The following PPFIA2 variants were observed in gnomAD, a reference collection of about 807,000 sequenced individuals.
PPFIA2 encodes PPFI scaffold protein A2, also known as liprin-alpha-2.
PPFIA2 carries 46 observed loss-of-function variants against 175.5 expected under a neutral mutation model. That is an observed-to-expected ratio of 0.26 (90% CI 0.21 to 0.34). The LOEUF (loss-of-function observed/expected upper bound fraction) is 0.34, where lower values mean the gene tolerates loss of function less well. Ranked by LOEUF, PPFIA2 falls within the 10% of genes least tolerant of loss-of-function variation. PPFIA2 has a pLI of 1.00. For missense variants in PPFIA2, 1,179 were observed against 1,506.1 expected, an observed-to-expected ratio of 0.78 and a Z score of 3.60; for synonymous variants, 568 against 511.4, an observed-to-expected ratio of 1.11 and a Z score of -1.49.
chr12:81,367,712 C>T lies in PPFIA2; in HGVS notation c.1483-542G>A, dbSNP rs1032296478. Among the ~76,000 whole-genome samples, 9 of 151,688 alleles carry T rather than the reference C, an allele frequency of 5.9e-5. No homozygotes were observed. In the East Asian group the frequency reaches 1.7e-3, roughly 29 times the overall value. On this transcript the variant is annotated intron_variant, in intron 13 of 32. Coordinates refer to ENST00000549396, the MANE Select transcript of PPFIA2 (RefSeq NM_003625.5). ...TTCAGAAACCTAATATTACATGTCA[C>T]AAAGTCAGTGGAAATAAGTTGGCAT...
intron 9 of PPFIA2, chr12:81,378,318 C>G (rs2036870685): frequency 1.3e-5 from 2 of 151,876 alleles, no homozygotes; most frequent in Non-Finnish European, 2.9e-5. Flanking sequence ...TGTGTGCTGT[C>G]TTCTTTGTCT....
rs532003571 is a variant in PPFIA2 at position 81,509,325 on chromosome 12, T to C, written c.304-51459A>G. ...AGAAGGTTTTCCATTTTAGCCATCA[T>C]CTTGATGACAAAAGACCTTCAAATT... is the stretch of plus-strand genomic sequence containing the variant. On this transcript the variant is annotated intron_variant, in intron 4 of 32. Transcript: ENST00000549396. Among the ~76,000 whole-genome samples, 12 of 152,298 alleles carry C rather than the reference T, an allele frequency of 7.9e-5. No individual in the cohort carries two copies. The South Asian group carries it at 2.5e-3, about 32-fold the overall frequency.
intron 4 of PPFIA2, among the ~76,000 whole-genome samples, chr12:81,516,892 A>C (rs946605442): frequency 2.0e-5 from 3 of 152,164 alleles, no homozygotes; most frequent in African/African-American, 7.2e-5. Flanking sequence ...GAAAGATCTG[A>C]ACCAGAAACA....
intron 19 of PPFIA2, among the ~76,000 whole-genome samples, chr12:81,344,029 G>C (rs969305279): frequency 6.6e-6 from 1 of 152,070 alleles, no homozygotes; most frequent in East Asian, 1.9e-4. Flanking sequence ...CTGTGGGCCA[G>C]GCTGAGACAA....
intron 8 of PPFIA2, among the ~76,000 whole-genome samples, chr12:81,399,822 T>C (rs191936923): frequency 2.2e-4 from 34 of 152,246 alleles, no homozygotes; most frequent in Middle Eastern, 3.4e-3. Context: ...ATACAATATA[T>C]GGAATCAATA....
rs143848418 is a variant in PPFIA2, at chr12:81,465,000, C to T, written c.304-7134G>A. The stretch of plus-strand genomic sequence containing the variant: ...TCTCATTTACTAAATGCTTGAAAGG[C>T]TTTGATTTAATAGGTAAGTCCCCAC... On this transcript the variant is annotated intron_variant, in intron 4 of 32. Transcript: ENST00000549396. 9.9e-5 allele frequency among the ~76,000 whole-genome samples: 15 copies of T among 152,058 alleles called. 1 individual carries two copies. In the East Asian group the frequency reaches 2.9e-3, roughly 29 times the overall value.
At chr12:81,515,150 C>A (rs983999722) in intron 4 of PPFIA2, among the ~76,000 whole-genome samples, 7 of 151,804 alleles carry the variant, frequency 4.6e-5, no homozygotes, top group Admixed American at 1.3e-4. Flanking sequence ...AAACAAACTG[C>A]CAATTAAAAT....
At chr12:81,632,041 A>T (rs550160621) in intron 4 of PPFIA2, among the ~76,000 whole-genome samples, 30 of 152,338 alleles carry the variant, frequency 2.0e-4, no homozygotes, top group African/African-American at 6.7e-4. Context: ...TTTTACTTTT[A>T]TAAACCATTA....
intron 4 of PPFIA2, among the ~76,000 whole-genome samples, chr12:81,466,491 T>C (rs1234006935): frequency 6.6e-6 from 1 of 152,176 alleles, no homozygotes; most frequent in African/African-American, 2.4e-5. Context: ...TCTCAGGCTG[T>C]CTGTCCATCA....
At chr12:81,362,609 A>G (rs1005014536) in intron 15 of PPFIA2, 84 bp downstream of exon 15, 6 of 871,062 alleles carry the variant, frequency 6.9e-6, no homozygotes, top group South Asian at 1.8e-5. Flanking sequence ...GTACTGATTT[A>G]TTTTAGTTGA....
chr12:81,433,608 T>C lies in PPFIA2; in HGVS notation c.645+6364A>G, dbSNP rs147594901. Among the ~76,000 whole-genome samples the C allele has an allele frequency of 4.3e-4, 65 of 152,336 alleles. No homozygotes were observed. The East Asian group carries it at 0.012, about 28-fold the overall frequency. On this transcript the variant is annotated intron_variant, in intron 7 of 32. Coordinates refer to ENST00000549396, the MANE Select transcript of PPFIA2 (RefSeq NM_003625.5). ...AAGACGAAACAACTTGTTCATTTGA[T>C]ACATATGATCAACATATTGCTGTTT...
Position 81,445,800 on chromosome 12 carries a change from T to C in PPFIA2, c.406-80A>G, listed in dbSNP as rs941332778. On this transcript the variant is annotated intron_variant, in intron 5 of 32. Transcript: ENST00000549396. Reference sequence around the variant, plus strand: ...TACAAATGACTTCCCCCTTAAATTATTGCAGGCTTACATAGTATCTAATGT... The same window carrying C: ...TACAAATGACTTCCCCCTTAAATTACTGCAGGCTTACATAGTATCTAATGT... 87 of 1,368,218 alleles carry C rather than the reference T, an allele frequency of 6.4e-5. 1 individual carries two copies. Among genetic ancestry groups the C allele is most frequent in the Non-Finnish European group, 1.5e-5 (15 of 1,001,460 alleles). The allele number at this position is 1,368,218 out of a possible 1,614,324, so 84.8% of individuals were successfully genotyped here.
chr12:81,667,590 A>G (rs572075407), intron 4 of PPFIA2, among the ~76,000 whole-genome samples: 1 of 152,240 alleles, frequency 6.6e-6, no homozygotes, highest in African/African-American at 2.4e-5. Context: ...ACAAGCAACT[A>G]CAATCAAGTA....
intron 9 of PPFIA2, among the ~76,000 whole-genome samples, chr12:81,376,171 TG>T (rs2036314537): frequency 6.6e-6 from 1 of 152,204 alleles, no homozygotes; most frequent in African/African-American, 2.4e-5. Flanking sequence ...TGTCTAAGAA[TG>T]CAATGGAGTA....
At chr12:81,754,657 T>C (rs1457261002) in intron 2 of PPFIA2, among the ~76,000 whole-genome samples, 1 of 152,240 alleles carries the variant, frequency 6.6e-6, no homozygotes, top group African/African-American at 2.4e-5. Flanking sequence ...AAGCACAGTG[T>C]CTGGCATTTA....
rs910339972 is a variant in PPFIA2 at position 81,586,405 on chromosome 12, C to T, written c.303+90386G>A. Among the ~76,000 whole-genome samples, 10 of 151,828 alleles carry T rather than the reference C, an allele frequency of 6.6e-5. No homozygotes were observed. The East Asian group carries it at 7.7e-4, about 12-fold the overall frequency. ...TTTTGACTCCCAGTGATACAAATTT[C>T]TTTAAATCTTTACATGTTGTATGCA... On this transcript the variant is annotated intron_variant, in intron 4 of 32. Transcript: ENST00000549396.
intron 4 of PPFIA2, among the ~76,000 whole-genome samples, chr12:81,539,256 T>A (rs966821285): frequency 1.3e-5 from 2 of 151,936 alleles, no homozygotes; most frequent in Non-Finnish European, 2.9e-5. Flanking sequence ...TTTGCATATA[T>A]GTGTCTGAAG....
chr12:81,642,327 A>C (rs564028491), intron 4 of PPFIA2, among the ~76,000 whole-genome samples: 16 of 152,004 alleles, frequency 1.1e-4, no homozygotes, highest in Admixed American at 9.2e-4. Context: ...GTTATGTAAG[A>C]TTTTATGCAG....
At chr12:81,654,702 A>G (rs191640920) in intron 4 of PPFIA2, among the ~76,000 whole-genome samples, 1 of 152,240 alleles carries the variant, frequency 6.6e-6, no homozygotes, top group Non-Finnish European at 1.5e-5. Context: ...GCAGTCCATT[A>G]AACACTAAGC....
Sources: allele counts gnomAD v4.1 joint callset (sites outside exome capture counted in the v4.1 genomes callset), GRCh38; gene constraint gnomAD v4.1.1; transcripts MANE v1.5; gene names NCBI Gene and HGNC (gene_info 2026-07-23, HGNC 2026-07-21).